Variants in SIRT1 observed in about 807,000 individuals in gnomAD.
The protein encoded by SIRT1 is NAD-dependent protein deacetylase sirtuin-1.
Under a neutral mutation model 67.9 loss-of-function variants are expected in SIRT1, and 24 were observed. The ratio of observed to expected loss-of-function variants is 0.35; its 90% CI spans 0.26 to 0.50. The LOEUF is 0.50. Among genes scored for constraint, SIRT1 ranks in the 20% least tolerant of loss-of-function variants. SIRT1 has a pLI of 0.98. For missense variants in SIRT1, 873 were observed against 937.2 expected (o/e 0.93, Z 0.89); for synonymous variants, 378 against 350.7 (o/e 1.08, Z -0.87).
At chr10:67,907,752 T>TA (rs1268208190) in intron 5 of SIRT1, among the ~76,000 whole-genome samples, 8 of 152,160 alleles carry the variant, frequency 5.3e-5, no homozygotes, top group African/African-American at 9.7e-5. Context: ...AGTGAGCTGT[T>TA]ACAGTTTTGT....
intron 3 of SIRT1, 123 bp downstream of exon 3, chr10:67,889,246 CA>C: frequency 1.8e-6 from 2 of 1,118,014 alleles, no homozygotes; most frequent in Non-Finnish European, 2.5e-6. Context: ...TGGGAACTGC[CA>C]AAAACTGAGT....
rs371219709 is a variant in SIRT1, at chr10:67,916,598, A to G, written c.*5A>G. The G allele has an allele frequency of 6.3e-7, 1 of 1,599,284 alleles. No individual in the cohort carries two copies. The highest frequency in any genetic ancestry group is 8.5e-7 in the Non-Finnish European group (1 of 1,169,600). ...TATCCATCAAACAAATCATAGTGTA[A>G]TAATTGTGCAGGTACAGGAATTGTT... On this transcript the variant is annotated 3_prime_UTR_variant, in exon 9 of 9. Transcript: ENST00000212015.
intron 4 of SIRT1, among the ~76,000 whole-genome samples, chr10:67,896,243 C>T (rs992203435): frequency 1.3e-5 from 2 of 152,160 alleles, no homozygotes; most frequent in Non-Finnish European, 2.9e-5. Context: ...CAGGAGGCTC[C>T]TGCCTGAGCC....
At chr10:67,892,528 G>A (rs989171214) in intron 4 of SIRT1, among the ~76,000 whole-genome samples, 1 of 152,056 alleles carries the variant, frequency 6.6e-6, no homozygotes, top group East Asian at 1.9e-4. Flanking sequence ...ACCATGATCT[G>A]CCATTGCACT....
At chr10:67,890,058 C>T (rs1842545196) in intron 3 of SIRT1, among the ~76,000 whole-genome samples, 1 of 151,418 alleles carries the variant, frequency 6.6e-6, no homozygotes, top group Non-Finnish European at 1.5e-5. Context: ...TGGCTCACTG[C>T]AGTCTCAGCC....
rs192990424 is a variant in SIRT1 at position 67,912,733 on chromosome 10, T to G, written c.1617T>G (p.Ser539Arg). 1.1e-5 allele frequency: 18 copies of G among 1,614,160 alleles called. No homozygotes were observed. The African/African-American group carries it at 2.4e-4, about 22-fold the overall frequency. ...CTCTTCATGTTTCAGAAGACTCAAG[T>G]TCACCAGAAAGAACTTCACCACCAG... ...PTPLHVSEDS[S>R]SPERTSPPDS... The change falls in exon 8 of 9, where the codon AGT (serine) becomes AGG (arginine). Residue 539 changes from serine to arginine, a missense_variant. This residue lies in a region of SIRT1 where 295 missense variants were observed against 294.5 expected (regional missense o/e 1.00). Transcript: ENST00000212015.
intron 5 of SIRT1, 88 bp from the exon 6 acceptor site, chr10:67,907,958 T>C: frequency 2.7e-6 from 3 of 1,097,734 alleles, no homozygotes; most frequent in Non-Finnish European, 4.0e-6. Context: ...TCTTAACATT[T>C]GTGATGTTAA....
At chr10:67,894,178 A>G (rs1053025413) in intron 4 of SIRT1, among the ~76,000 whole-genome samples, 6 of 152,164 alleles carry the variant, frequency 3.9e-5, no homozygotes, top group African/African-American at 1.4e-4. Flanking sequence ...CATTAGTGTA[A>G]AGTGGGAAAA....
rs1330034111 is a variant in SIRT1 at position 67,890,986 on chromosome 10, C to T, written c.790-416C>T. Among the ~76,000 whole-genome samples the T allele has an allele frequency of 2.0e-5, 3 of 146,762 alleles. No individual in the cohort carries two copies. In the Admixed American group the frequency reaches 2.1e-4, roughly 10 times the overall value. On this transcript the variant is annotated intron_variant, in intron 3 of 8. Transcript: ENST00000212015. ...CGGAGCTTACAGTGAGCCGAGATCG[C>T]ACCACTGCACTCCAGACTGGGCGAC...
At chr10:67,903,231 A>G (rs1589078412) in intron 4 of SIRT1, among the ~76,000 whole-genome samples, 1 of 152,318 alleles carries the variant, frequency 6.6e-6, no homozygotes, top group South Asian at 2.1e-4. Flanking sequence ...AGTAGCAGGA[A>G]CTACAGGCCT....
intron 4 of SIRT1, among the ~76,000 whole-genome samples, chr10:67,899,406 C>CTA (rs1842707871): frequency 6.6e-6 from 1 of 151,578 alleles, no homozygotes; most frequent in African/African-American, 2.4e-5. Context: ...AATCATATAT[C>CTA]TATATATAGT....
chr10:67,911,781 T>A (rs1226605225), intron 7 of SIRT1, among the ~76,000 whole-genome samples: 1 of 48,288 alleles, frequency 2.1e-5, no homozygotes, highest in Admixed American at 2.1e-4. Flanking sequence ...CCTCCCACCC[T>A]CCCTCCCTCC....
intron 3 of SIRT1, among the ~76,000 whole-genome samples, chr10:67,889,417 ACT>A (rs1167780231): frequency 2.0e-5 from 3 of 152,092 alleles, no homozygotes; most frequent in East Asian, 3.8e-4. Flanking sequence ...GGGAATTGAA[ACT>A]CTGCTTTTGT....
chr10:67,906,822 C>G lies in SIRT1; in HGVS notation c.975C>G (p.Leu325=), dbSNP rs199698947. 2 of 1,612,820 alleles carry G rather than the reference C, an allele frequency of 1.2e-6. No homozygotes were observed. Among genetic ancestry groups the G allele is most frequent in the Non-Finnish European group, 1.7e-6 (2 of 1,179,678 alleles). ...ATCCTGGACAATTCCAGCCATCTCT[C>G]TGTCACAAATTCATAGCCTTGTCAG... ...EIYPGQFQPS[L]CHKFIALSDK... is the part of the protein sequence containing the mutation. The change falls in exon 5 of 9, where the codon CTC becomes CTG. Residue 325 remains leucine (L), a synonymous_variant. Transcript: ENST00000212015.
intron 4 of SIRT1, among the ~76,000 whole-genome samples, chr10:67,901,378 C>G (rs780052775): frequency 2.6e-5 from 4 of 152,100 alleles, no homozygotes; most frequent in Non-Finnish European, 5.9e-5. Flanking sequence ...CAAAACAGGG[C>G]TCTGCTACTT....
intron 4 of SIRT1, among the ~76,000 whole-genome samples, chr10:67,897,319 C>T (rs1296903542): frequency 2.0e-5 from 3 of 148,400 alleles, no homozygotes; most frequent in Non-Finnish European, 4.5e-5. Flanking sequence ...TGAAGTTTCA[C>T]TCTTGTTGCT....
intron 4 of SIRT1, 116 bp from the exon 5 acceptor site, chr10:67,906,671 CTCA>C (rs1842824738): frequency 2.0e-6 from 2 of 1,010,240 alleles, no homozygotes; most frequent in Non-Finnish European, 2.9e-6. Context: ...CTTTAAAATG[CTCA>C]TCTATTTCAT....
intron 4 of SIRT1, among the ~76,000 whole-genome samples, chr10:67,891,849 A>G (rs1842579312): frequency 6.6e-6 from 1 of 152,212 alleles, no homozygotes; most frequent in Non-Finnish European, 1.5e-5. Context: ...CACACCATAT[A>G]AAAGTAACAT....
chr10:67,912,883 A>G lies in SIRT1; in HGVS notation c.1767A>G (p.Glu589=), dbSNP rs774539424. The G allele has an allele frequency of 1.2e-6, 2 of 1,614,182 alleles. No homozygotes were observed. The highest frequency in any genetic ancestry group is 1.7e-6 in the Non-Finnish European group (2 of 1,180,024). ...PQEVQTSRNV[E]SIAEQMENPD... ...AAGTACAAACTTCTAGGAATGTTGA[A>G]AGTATTGCTGAACAGATGGAAAATC... Residue 589 remains glutamate, a synonymous_variant, in exon 8 of 9, where the codon GAA becomes GAG. Coordinates refer to ENST00000212015, the MANE Select transcript of SIRT1 (RefSeq NM_012238.5).
Sources: allele counts gnomAD v4.1 joint callset (sites outside exome capture counted in the v4.1 genomes callset), GRCh38; gene constraint gnomAD v4.1.1; regional missense constraint gnomAD v4.1.1; transcripts MANE v1.5; gene names NCBI Gene and HGNC (gene_info 2026-07-23, HGNC 2026-07-21).